Variants in EML6 observed in about 807,000 individuals in gnomAD.
The protein encoded by EML6 is EMAP like 6.
Under a neutral mutation model 240.1 loss-of-function variants are expected in EML6, and 154 were observed. The observed-to-expected ratio is 0.64, with a 90% CI of 0.56 to 0.73. The LOEUF (loss-of-function observed/expected upper bound fraction) is 0.73. EML6 is among the 30% of genes least tolerant of loss of function. EML6 has a pLI of 0.00. For missense variants in EML6, 2,964 were observed against 2,474.6 expected (o/e 1.20, Z -4.20); for synonymous variants, 1,148 against 899.0 (o/e 1.28, Z -4.95).
chr2:54,895,079 G>T (rs1672691870), intron 20 of EML6, 53 bp downstream of exon 20: 5 of 1,423,956 alleles, frequency 3.5e-6, no homozygotes, highest in Non-Finnish European at 2.9e-6. Context: ...GGATGGAGAA[G>T]ATTGTACTAA....
At chr2:54,915,980 C>T (rs1486103546) in intron 25 of EML6, among the ~76,000 whole-genome samples, 2 of 152,092 alleles carry the variant, frequency 1.3e-5, no homozygotes, top group Non-Finnish European at 2.9e-5. Context: ...AAAGAAAAAC[C>T]TCAGTCTTAT....
chr2:54,832,314 A>G (rs1036677378), intron 7 of EML6, among the ~76,000 whole-genome samples: 4 of 152,198 alleles, frequency 2.6e-5, no homozygotes, highest in African/African-American at 9.7e-5. Context: ...GCGCTCAGCC[A>G]GGCCTTGGTG....
At chr2:54,953,073 A>G (rs1676060884) in intron 31 of EML6, among the ~76,000 whole-genome samples, 1 of 152,188 alleles carries the variant, frequency 6.6e-6, no homozygotes, top group Non-Finnish European at 1.5e-5. Flanking sequence ...ACTGCCGGTG[A>G]CAAATGTGAA....
At chr2:54,961,184 G>GTTGTTTTTTTTTGTTTGTTTTTTTGT in intron 35 of EML6, among the ~76,000 whole-genome samples, 3 of 55,424 alleles carry the variant, frequency 5.4e-5, no homozygotes, top group Non-Finnish European at 9.5e-5. Flanking sequence ...TCAGGAAGTA[G>GTTGTTTTTTTTTGTTTGTTTTTTTGT]TTTTTTTTTT....
At chr2:54,799,600 C>T (rs778338674) in intron 2 of EML6, among the ~76,000 whole-genome samples, 3 of 152,172 alleles carry the variant, frequency 2.0e-5, no homozygotes, top group African/African-American at 7.2e-5. Flanking sequence ...GCCTTGGCCT[C>T]CCAAAGTGCT....
At chr2:54,788,951 C>T (rs1436509393) in intron 2 of EML6, among the ~76,000 whole-genome samples, 3 of 152,120 alleles carry the variant, frequency 2.0e-5, no homozygotes, top group Non-Finnish European at 2.9e-5. Context: ...CTTTCTATTC[C>T]CTTCTCCATC....
At chr2:54,742,649 C>G (rs531316808) in intron 2 of EML6, among the ~76,000 whole-genome samples, 1 of 152,312 alleles carries the variant, frequency 6.6e-6, no homozygotes, top group South Asian at 2.1e-4. Context: ...GCTTCAGTGC[C>G]AGTCACACCT....
rs1460952339 is a variant in EML6 at position 54,903,122 on chromosome 2, A to G, written c.3203A>G (p.Asn1068Ser). 6.4e-7 allele frequency: 1 copy of G among 1,551,738 alleles called. No individual in the cohort carries two copies. The highest frequency in any genetic ancestry group is 8.7e-7 in the Non-Finnish European group (1 of 1,146,974). Reference sequence around the variant, plus strand: ...AACGATGGGAGTTTCCTGGTGGTAAATGCTGACACTGTTGAAGACATGGTC... The same window carrying G: ...AACGATGGGAGTTTCCTGGTGGTAAGTGCTGACACTGTTGAAGACATGGTC... Reference protein sequence around the residue: ...GLNDGSFLVVNADTVEDMVSF... With the variant: ...GLNDGSFLVVSADTVEDMVSF... The change falls in exon 23 of 42, where the codon AAT becomes AGT. Residue 1068 changes from asparagine (N) to serine (S), a missense_variant. Physicochemically the swap from Asn to Ser is conservative, Grantham distance 46. Coordinates refer to ENST00000356458, the MANE Select transcript of EML6 (RefSeq NM_001039753.4).
intron 4 of EML6, among the ~76,000 whole-genome samples, chr2:54,817,431 T>A (rs915458633): frequency 6.6e-6 from 1 of 152,200 alleles, no homozygotes; most frequent in African/African-American, 2.4e-5. Context: ...GCCAGTGTCT[T>A]GCATAATTAA....
intron 28 of EML6, among the ~76,000 whole-genome samples, chr2:54,935,551 T>G (rs1417087314): frequency 6.6e-6 from 1 of 152,244 alleles, no homozygotes; most frequent in Admixed American, 6.5e-5. Flanking sequence ...TTTAAAACTT[T>G]ACCCAATTAA....
chr2:54,889,561 A>G (rs1375581945), intron 17 of EML6, among the ~76,000 whole-genome samples: 1 of 151,564 alleles, frequency 6.6e-6, no homozygotes, highest in African/African-American at 2.4e-5. Context: ...TTATAAATAG[A>G]GTCCTCTCCT....
At chr2:54,805,786 A>G (rs745315226) in intron 2 of EML6, among the ~76,000 whole-genome samples, 3 of 152,050 alleles carry the variant, frequency 2.0e-5, no homozygotes, top group South Asian at 2.1e-4. Flanking sequence ...TTTTCTATCA[A>G]TTACTTGGTT....
At chr2:54,947,097 G>C (rs1675730761) in intron 28 of EML6, among the ~76,000 whole-genome samples, 2 of 151,980 alleles carry the variant, frequency 1.3e-5, no homozygotes, top group African/African-American at 4.8e-5. Flanking sequence ...CTCAAATAAT[G>C]CCTTATGAGC....
intron 17 of EML6, among the ~76,000 whole-genome samples, chr2:54,884,668 A>T (rs910682079): frequency 6.6e-6 from 1 of 152,250 alleles, no homozygotes; most frequent in Non-Finnish European, 1.5e-5. Flanking sequence ...GTATTTTGTA[A>T]TATCACAATG....
intron 24 of EML6, among the ~76,000 whole-genome samples, chr2:54,908,642 T>A (rs1673473150): frequency 6.6e-6 from 1 of 152,116 alleles, no homozygotes; most frequent in Non-Finnish European, 1.5e-5. Flanking sequence ...CTCTTCTGGG[T>A]CTTATCTCTG....
chr2:54,803,383 T>C (rs1262644501), intron 2 of EML6, among the ~76,000 whole-genome samples: 1 of 152,114 alleles, frequency 6.6e-6, no homozygotes, highest in Non-Finnish European at 1.5e-5. Flanking sequence ...AATTGAGGGG[T>C]AAGGGGTTGA....
intron 7 of EML6, among the ~76,000 whole-genome samples, chr2:54,840,138 C>T (rs1669365188): frequency 6.6e-6 from 1 of 152,142 alleles, no homozygotes. Context: ...TAAATAGATA[C>T]TTGACCAAAT....
chr2:54,840,436 C>G (rs1408798954), intron 7 of EML6, among the ~76,000 whole-genome samples: 5 of 152,192 alleles, frequency 3.3e-5, no homozygotes, highest in African/African-American at 1.2e-4. Context: ...ACATTTGCAT[C>G]ACTTTAGTTT....
At chr2:54,953,870 G>C (rs1267808312) in intron 31 of EML6, 113 bp from the exon 32 acceptor site, 2 of 890,288 alleles carry the variant, frequency 2.2e-6, no homozygotes, top group Non-Finnish European at 3.3e-6. Context: ...CTGGGCAACA[G>C]AGCAAGACTC....
Sources: allele counts gnomAD v4.1 joint callset (sites outside exome capture counted in the v4.1 genomes callset), GRCh38; gene constraint gnomAD v4.1.1; transcripts MANE v1.5; gene names NCBI Gene and HGNC (gene_info 2026-07-23, HGNC 2026-07-21).